CREB1: variants seen among roughly 807,000 people sequenced by gnomAD.
CREB1 encodes the protein cyclic AMP-responsive element-binding protein 1.
CREB1 carries 2 observed loss-of-function variants against 42.0 expected under a neutral mutation model. That is an observed-to-expected ratio of 0.05 (90% confidence interval 0.02 to 0.15). The LOEUF (loss-of-function observed/expected upper bound fraction) is 0.15, where lower values mean the gene tolerates loss of function less well. CREB1 is among the 10% of genes least tolerant of loss of function. The pLI is 1.00. For missense variants in CREB1, 199 were observed against 388.9 expected (o/e 0.51, Z 4.11); for synonymous variants, 123 against 139.9 (o/e 0.88, Z 0.85).
chr2:207,543,800 TC>T (rs1361588131), intron 1 of CREB1, among the ~76,000 whole-genome samples: 3 of 152,136 alleles, frequency 2.0e-5, no homozygotes, highest in Non-Finnish European at 4.4e-5. Flanking sequence ...AGACAGGGTT[TC>T]ACCATGTTGG....
In CREB1 at chr2:207,596,839, G is replaced by GA. The variant is rs72094349; in HGVS notation, c.840-65dup. 11,340 of 1,293,494 alleles carry GA rather than the reference G, an allele frequency of 8.8e-3. 2 individuals are homozygous for GA. Among genetic ancestry groups the GA allele is most frequent in the Non-Finnish European group, 9.4e-3 (9,063 of 959,404 alleles). 80.1% of individuals were successfully genotyped at this position (1,293,494 alleles called of 1,614,324 possible). A position where few individuals can be genotyped will look rare whatever the true frequency, so the allele number is the denominator to read the frequency against. On this transcript the variant is annotated intron_variant, in intron 7 of 7. Transcript: ENST00000353267. ...TGCTGTGAGCTATTTCTTTAAAAAAGAAAAAAAAAAGGTAATCCAAAATAA... is the reference window on the plus strand; with the variant it reads ...TGCTGTGAGCTATTTCTTTAAAAAAGAAAAAAAAAAAGGTAATCCAAAATAA...
chr2:207,596,529 G>A (rs1257687212), intron 7 of CREB1, among the ~76,000 whole-genome samples: 7 of 152,142 alleles, frequency 4.6e-5, no homozygotes, highest in Non-Finnish European at 8.8e-5. Flanking sequence ...TGCCTCCCAG[G>A]TTCAAGCGAT....
chr2:207,546,595 C>T (rs975641283), intron 1 of CREB1, among the ~76,000 whole-genome samples: 9 of 151,972 alleles, frequency 5.9e-5, no homozygotes, highest in South Asian at 2.1e-4. Context: ...GCTGTGGTGG[C>T]GGGTGCCTGT....
Position 207,605,062 on chromosome 2 carries a change from T to G in CREB1, c.*8004T>G, listed in dbSNP as rs1304169145. On this transcript the variant is annotated 3_prime_UTR_variant, in exon 8 of 8. Transcript: ENST00000353267. ...CGTGTACAAGTATTTGAGTCCGTGT[T>G]TTCAATTATTTGGGGTATATGCCTG... 6.6e-6 allele frequency among the ~76,000 whole-genome samples: 1 copy of G among 152,214 alleles called. No individual in the cohort carries two copies. Among genetic ancestry groups the G allele is most frequent in the African/African-American group, 2.4e-5 (1 of 41,448 alleles).
In CREB1 at chr2:207,565,564, A is replaced by C. The variant is rs189073190; in HGVS notation, c.262-1899A>C. On this transcript the variant is annotated intron_variant, in intron 3 of 7. Transcript: ENST00000353267. ...GGACACAGATTAAAAAACAACATTA[A>C]TTTGTTTCATTTCAAAACTATCCTG... 1.7e-3 allele frequency among the ~76,000 whole-genome samples: 259 copies of C among 151,726 alleles called. 1 individual carries two copies. The highest frequency in any genetic ancestry group is 5.8e-3 in the African/African-American group (240 of 41,316).
chr2:207,547,985 A>T (rs945558556), intron 1 of CREB1, among the ~76,000 whole-genome samples: 6 of 151,698 alleles, frequency 4.0e-5, no homozygotes, highest in Non-Finnish European at 8.8e-5. Context: ...CCCAGGAAGG[A>T]GTGCAGTGGT....
chr2:207,576,997 T>C, intron 6 of CREB1: 1 of 897,892 alleles, frequency 1.1e-6, no homozygotes, highest in Non-Finnish European at 1.3e-6. Flanking sequence ...CACTTTTTCA[T>C]ACTTTTAGTT....
chr2:207,589,630 C>G (rs1299603750), intron 7 of CREB1, among the ~76,000 whole-genome samples: 1 of 152,110 alleles, frequency 6.6e-6, no homozygotes, highest in Non-Finnish European at 1.5e-5. Flanking sequence ...TTTAAAAACT[C>G]TCTTTGATTT....
intron 2 of CREB1, among the ~76,000 whole-genome samples, chr2:207,556,674 C>T (rs2106459740): frequency 6.6e-6 from 1 of 152,260 alleles, no homozygotes; most frequent in East Asian, 1.9e-4. Flanking sequence ...CTAAGACCAC[C>T]AGGGTTTACC....
chr2:207,547,345 C>CG (rs1322851597), intron 1 of CREB1, among the ~76,000 whole-genome samples: 2 of 152,282 alleles, frequency 1.3e-5, no homozygotes, highest in Non-Finnish European at 2.9e-5. Flanking sequence ...TATTTAACTT[C>CG]GGGGCATAGT....
At chr2:207,534,597 C>T (rs1489238592) in intron 1 of CREB1, 1 of 152,178 alleles carries the variant, frequency 6.6e-6, no homozygotes, top group Admixed American at 6.5e-5. Flanking sequence ...TATCTCTACC[C>T]TCAGGAACTG....
intron 1 of CREB1, among the ~76,000 whole-genome samples, chr2:207,551,764 T>C (rs1173579227): frequency 6.6e-6 from 1 of 151,984 alleles, no homozygotes; most frequent in Non-Finnish European, 1.5e-5. Context: ...ATTTTTCGGC[T>C]GGGCACAGTG....
chr2:207,590,903 A>G (rs529800169), intron 7 of CREB1, among the ~76,000 whole-genome samples: 56 of 152,294 alleles, frequency 3.7e-4, no homozygotes, highest in African/African-American at 1.2e-3. Flanking sequence ...GCTGTGTCCC[A>G]CAAATTTTGG....
At chr2:207,539,533 A>G (rs144947081) in intron 1 of CREB1, among the ~76,000 whole-genome samples, 27 of 152,324 alleles carry the variant, frequency 1.8e-4, no homozygotes, top group African/African-American at 6.5e-4. Context: ...TTATTCAGTT[A>G]GGTATTTATA....
intron 2 of CREB1, chr2:207,559,002 A>T (rs1448126133): frequency 6.6e-6 from 1 of 152,260 alleles, no homozygotes; most frequent in Non-Finnish European, 1.5e-5. Flanking sequence ...AAAGCCCTTC[A>T]GTGGCTTCTG....
At chr2:207,535,284 T>C (rs2080820848) in intron 1 of CREB1, among the ~76,000 whole-genome samples, 1 of 152,246 alleles carries the variant, frequency 6.6e-6, no homozygotes, top group Admixed American at 6.5e-5. Flanking sequence ...AAGAGTTAAC[T>C]CACAAGGTGA....
intron 7 of CREB1, among the ~76,000 whole-genome samples, chr2:207,591,096 A>T (rs868347740): frequency 6.6e-6 from 1 of 152,198 alleles, no homozygotes; most frequent in African/African-American, 2.4e-5. Flanking sequence ...ATCAAGTATC[A>T]TATCAATGTC....
intron 7 of CREB1, among the ~76,000 whole-genome samples, chr2:207,587,841 A>T (rs1337784482): frequency 6.6e-6 from 1 of 152,162 alleles, no homozygotes; most frequent in African/African-American, 2.4e-5. Flanking sequence ...ATGGACACAA[A>T]CTTACATCTA....
intron 1 of CREB1, among the ~76,000 whole-genome samples, chr2:207,551,425 C>G (rs188939903): frequency 6.6e-6 from 1 of 152,118 alleles, no homozygotes; most frequent in African/African-American, 2.4e-5. Flanking sequence ...ATAACTCTAA[C>G]GACAGTTATG....
Sources: gnomAD v4.1 joint callset for allele counts (sites outside exome capture counted in the v4.1 genomes callset) on GRCh38, gnomAD v4.1.1 for gene constraint, MANE v1.5 for transcripts, NCBI Gene and HGNC (gene_info 2026-07-23, HGNC 2026-07-21) for gene names.